Variants in KIF6 observed in about 807,000 individuals in gnomAD.
KIF6 encodes kinesin-like protein KIF6.
Under a neutral mutation model 112.7 loss-of-function variants are expected in KIF6, and 106 were observed. The observed-to-expected ratio is 0.94, with a 90% CI of 0.80 to 1.11. The LOEUF (loss-of-function observed/expected upper bound fraction) is 1.11. KIF6 is among the 50% of genes least tolerant of loss of function. The pLI is 0.00. For synonymous variants in KIF6, 339 were observed against 339.9 expected (o/e 1.00, Z 0.03); for missense variants, 929 against 964.0 (o/e 0.96, Z 0.48).
At chr6:39,530,721 A>G (rs1360622966) in intron 13 of KIF6, among the ~76,000 whole-genome samples, 2 of 152,240 alleles carry the variant, frequency 1.3e-5, no homozygotes, top group African/African-American at 4.8e-5. Context: ...AAGGGGAGAC[A>G]GTTTCACAGC....
intron 10 of KIF6, among the ~76,000 whole-genome samples, chr6:39,575,958 G>C (rs562265001): frequency 9.9e-4 from 151 of 152,266 alleles, no homozygotes; most frequent in African/African-American, 3.3e-3. Context: ...GGTATGACGA[G>C]AGATCCATGT....
chr6:39,723,805 G>T (rs1406531831), intron 1 of KIF6, among the ~76,000 whole-genome samples: 1 of 152,086 alleles, frequency 6.6e-6, no homozygotes, highest in African/African-American at 2.4e-5. Context: ...ATGACAGATT[G>T]GTGGGTGCAG....
chr6:39,667,051 G>T lies in KIF6; in HGVS notation c.252-27294C>A, dbSNP rs1786515137. Among the ~76,000 whole-genome samples, 3 of 152,248 alleles carry T rather than the reference G, an allele frequency of 2.0e-5. No individual in the cohort carries two copies. In the South Asian group the frequency reaches 6.2e-4, roughly 32 times the overall value. ...TTTCACAGATCTCTTTCACTGTGTT[G>T]TAAGAAATAGAGTAAAAAGGAATGA... is the stretch of plus-strand genomic sequence containing the variant. On this transcript the variant is annotated intron_variant, in intron 3 of 22. Coordinates refer to ENST00000287152, the MANE Select transcript of KIF6 (RefSeq NM_145027.6).
chr6:39,365,195 T>G (rs1259097378), intron 16 of KIF6, among the ~76,000 whole-genome samples: 1 of 152,238 alleles, frequency 6.6e-6, no homozygotes, highest in Non-Finnish European at 1.5e-5. Flanking sequence ...GTCTGTCATC[T>G]TCCAGGTGCC....
At chr6:39,533,198 C>T (rs530348344) in intron 13 of KIF6, among the ~76,000 whole-genome samples, 16 of 152,328 alleles carry the variant, frequency 1.1e-4, no homozygotes, top group African/African-American at 3.8e-4. Context: ...TGAGCCGAAG[C>T]AGGGCAAGGC....
At position 39,551,472 on chromosome 6, in the gene KIF6, C is replaced by T. The variant is rs115225694; in HGVS notation, c.1182-5784G>A. On this transcript the variant is annotated intron_variant, in intron 10 of 22. Coordinates refer to ENST00000287152, the MANE Select transcript of KIF6 (RefSeq NM_145027.6). ...GTTAACAATAATTTATTGTATATTT[C>T]GAAATAACTAAAAGAGTGGAATTGG... 2.4e-3 allele frequency among the ~76,000 whole-genome samples: 361 copies of T among 151,956 alleles called. 3 individuals carry two copies. The highest frequency in any genetic ancestry group is 8.1e-3 in the African/African-American group (335 of 41,464).
At chr6:39,595,959 T>C (rs1782227184) in intron 7 of KIF6, 95 bp downstream of exon 7, 1 of 934,046 alleles carries the variant, frequency 1.1e-6, no homozygotes. Flanking sequence ...TATTTCATCA[T>C]AATAAAAAAA....
chr6:39,708,114 A>G (rs1789320390), intron 3 of KIF6, among the ~76,000 whole-genome samples: 1 of 152,202 alleles, frequency 6.6e-6, no homozygotes, highest in South Asian at 2.1e-4. Context: ...TAGGCAACCC[A>G]CGGCATTATC....
At chr6:39,695,794 G>A (rs1478047128) in intron 3 of KIF6, among the ~76,000 whole-genome samples, 2 of 152,186 alleles carry the variant, frequency 1.3e-5, no homozygotes, top group South Asian at 4.2e-4. Flanking sequence ...ACCCAATACT[G>A]GGTATATACT....
At chr6:39,393,802 A>T (rs1306082567) in intron 15 of KIF6, among the ~76,000 whole-genome samples, 2 of 152,174 alleles carry the variant, frequency 1.3e-5, no homozygotes, top group Non-Finnish European at 2.9e-5. Context: ...AAGAATAAAA[A>T]TATGTACAGT....
At chr6:39,433,570 C>T (rs929900817) in intron 13 of KIF6, among the ~76,000 whole-genome samples, 19 of 152,306 alleles carry the variant, frequency 1.2e-4, no homozygotes, top group Middle Eastern at 3.4e-3. Flanking sequence ...CCTTCTGTCA[C>T]GGACAAAGTA....
intron 18 of KIF6, 35 bp from the exon 19 acceptor site, chr6:39,357,409 T>C: frequency 7.8e-7 from 1 of 1,282,596 alleles, no homozygotes; most frequent in East Asian, 2.3e-5. Context: ...CAGTGTTAGC[T>C]TGAATCTAAT....
chr6:39,418,610 G>C (rs1233316440), intron 15 of KIF6, among the ~76,000 whole-genome samples: 1 of 152,110 alleles, frequency 6.6e-6, no homozygotes, highest in Non-Finnish European at 1.5e-5. Flanking sequence ...GTTTCAGTTA[G>C]AGGTTAGTAG....
intron 3 of KIF6, among the ~76,000 whole-genome samples, chr6:39,652,170 T>C (rs751354159): frequency 2.0e-5 from 3 of 152,184 alleles, no homozygotes; most frequent in Non-Finnish European, 4.4e-5. Flanking sequence ...TATTAGCTTA[T>C]GGATAGTAGA....
At chr6:39,473,252 A>C (rs904038789) in intron 13 of KIF6, among the ~76,000 whole-genome samples, 3 of 152,160 alleles carry the variant, frequency 2.0e-5, no homozygotes, top group Non-Finnish European at 4.4e-5. Context: ...CCAGGCATTC[A>C]CAAAAAAGCA....
intron 13 of KIF6, among the ~76,000 whole-genome samples, chr6:39,537,638 T>A (rs1778522763): frequency 6.6e-6 from 1 of 152,118 alleles, no homozygotes; most frequent in African/African-American, 2.4e-5. Context: ...ATGGCCATAC[T>A]GCCCAAGGTA....
chr6:39,559,635 G>A (rs1032628799), intron 10 of KIF6, among the ~76,000 whole-genome samples: 10 of 152,126 alleles, frequency 6.6e-5, no homozygotes, highest in African/African-American at 2.4e-4. Flanking sequence ...TATAGGGAGA[G>A]TCTAACAAGA....
chr6:39,614,285 T>C (rs1783385188), intron 5 of KIF6, among the ~76,000 whole-genome samples: 1 of 152,216 alleles, frequency 6.6e-6, no homozygotes, highest in African/African-American at 2.4e-5. Flanking sequence ...TTCACAAGTA[T>C]TGCCAAAGAG....
At chr6:39,511,414 A>G (rs1223987609) in intron 13 of KIF6, among the ~76,000 whole-genome samples, 1 of 152,216 alleles carries the variant, frequency 6.6e-6, no homozygotes, top group Admixed American at 6.5e-5. Context: ...ACCAGTTAGA[A>G]TGGTGACCAT....
Sources: allele counts gnomAD v4.1 joint callset (sites outside exome capture counted in the v4.1 genomes callset), GRCh38; gene constraint gnomAD v4.1.1; transcripts MANE v1.5; gene names NCBI Gene and HGNC (gene_info 2026-07-23, HGNC 2026-07-21).